ASTN1: variants seen among roughly 807,000 people sequenced by gnomAD.
ASTN1 encodes the protein astrotactin-1.
A neutral mutation model predicts 140.7 loss-of-function variants in ASTN1; 41 were observed. The ratio of observed to expected loss-of-function variants is 0.29; its 90% confidence interval spans 0.23 to 0.38. The LOEUF is 0.38. Among genes scored for constraint, ASTN1 ranks in the 10% least tolerant of loss-of-function variants. The probability of loss-of-function intolerance (pLI) is 1.00; values close to 1 mark genes in which losing one functional copy is unlikely to be tolerated. For missense variants in ASTN1, 1,479 were observed against 1,678.8 expected (o/e 0.88, Z 2.08); for synonymous variants, 640 against 652.2 (o/e 0.98, Z 0.29).
rs370184353 is a variant in ASTN1 at position 177,051,398 on chromosome 1, G to T, written c.471+9680C>A. On this transcript the variant is annotated intron_variant, in intron 2 of 22. Coordinates refer to ENST00000361833, the MANE Select transcript of ASTN1 (RefSeq NM_004319.3). ...ATAAAGTTTATTGAAACACAGCCAC[G>T]TGCATTCAGTTATATACTGTGCATG... 1.7e-4 allele frequency among the ~76,000 whole-genome samples: 26 copies of T among 152,320 alleles called. No individual in the cohort carries two copies. The East Asian group carries it at 4.8e-3, about 28-fold the overall frequency.
intron 1 of ASTN1, among the ~76,000 whole-genome samples, chr1:177,118,481 C>A: frequency 6.6e-6 from 1 of 152,068 alleles, no homozygotes; most frequent in Admixed American, 6.6e-5. Context: ...TGTCAGTATG[C>A]AAATTAGTAT....
At chr1:177,027,989 T>G (rs573970662) in intron 5 of ASTN1, among the ~76,000 whole-genome samples, 2 of 152,234 alleles carry the variant, frequency 1.3e-5, no homozygotes, top group African/African-American at 2.4e-5. Flanking sequence ...GCTGCACTGA[T>G]GGATATATCC....
In ASTN1 at chr1:177,044,519, G is replaced by A. The variant is rs954103558; in HGVS notation, c.472-11670C>T. ...TCGGGCGCAGGCCTGGCGCTCACCAGCCAAAGATGGGCTGTAGCAAAGGGA... is the reference window on the plus strand; with the variant it reads ...TCGGGCGCAGGCCTGGCGCTCACCAACCAAAGATGGGCTGTAGCAAAGGGA... On this transcript the variant is annotated intron_variant, in intron 2 of 22. Transcript: ENST00000361833. Among the ~76,000 whole-genome samples, 32 of 152,336 alleles carry A rather than the reference G, an allele frequency of 2.1e-4. 1 individual carries two copies. Among genetic ancestry groups the A allele is most frequent in the Admixed American group, 1.8e-3 (27 of 15,310 alleles).
chr1:177,085,410 T>C (rs1176138522), intron 1 of ASTN1, among the ~76,000 whole-genome samples: 14 of 152,198 alleles, frequency 9.2e-5, no homozygotes, highest in Admixed American at 9.2e-4. Context: ...CCTTATATTT[T>C]GTCTTCCTGT....
At chr1:177,140,524 T>C (rs1682415952) in intron 1 of ASTN1, among the ~76,000 whole-genome samples, 1 of 152,192 alleles carries the variant, frequency 6.6e-6, no homozygotes, top group Non-Finnish European at 1.5e-5. Context: ...AAAGAAAATT[T>C]TGAAAAAAAG....
rs1667966232 is a variant in ASTN1 at position 176,861,659 on chromosome 1, G to A, written c.*2625C>T. 1.0e-6 allele frequency: 1 copy of A among 985,324 alleles called. No homozygotes were observed. Among genetic ancestry groups the A allele is most frequent in the Non-Finnish European group, 1.2e-6 (1 of 829,972 alleles). The allele number at this position is 985,324 out of a possible 1,614,324, so 61.0% of individuals were successfully genotyped here. A position where few individuals can be genotyped will look rare whatever the true frequency, so the allele number is the denominator to read the frequency against. ...TGAATGTAAGTAGGAGCCAGTCATA[G>A]GAGTTGTGTGCATTGTGTGTGCACA... On this transcript the variant is annotated 3_prime_UTR_variant, in exon 23 of 23. Coordinates refer to ENST00000361833, the MANE Select transcript of ASTN1 (RefSeq NM_004319.3).
chr1:176,882,760 T>G (rs1668859014), intron 20 of ASTN1, 99 bp downstream of exon 20: 1 of 1,492,478 alleles, frequency 6.7e-7, no homozygotes, highest in Non-Finnish European at 9.2e-7. Context: ...CAACATGTTT[T>G]GCTGAGTCTC....
rs115949785 is a variant in ASTN1 at position 177,104,097 on chromosome 1, C to T, written c.284-42832G>A. ...GACTGATGCAGAAAAACAGTACCCT[C>T]GCCCTGGCCTCTGCAATGCCCACCA... On this transcript the variant is annotated intron_variant, in intron 1 of 22. Coordinates refer to ENST00000361833, the MANE Select transcript of ASTN1 (RefSeq NM_004319.3). Among the ~76,000 whole-genome samples the T allele has an allele frequency of 4.1e-3, 631 of 152,140 alleles. 4 individuals carry two copies. Among genetic ancestry groups the T allele is most frequent in the African/African-American group, 0.015 (615 of 41,514 alleles).
At chr1:177,062,217 C>T (rs1001942171) in intron 1 of ASTN1, among the ~76,000 whole-genome samples, 1 of 151,950 alleles carries the variant, frequency 6.6e-6, no homozygotes, top group Non-Finnish European at 1.5e-5. Flanking sequence ...GTTTAGTAAA[C>T]CATTGCTTTA....
At chr1:177,028,235 A>T (rs1194238452) in intron 5 of ASTN1, among the ~76,000 whole-genome samples, 2 of 152,090 alleles carry the variant, frequency 1.3e-5, no homozygotes, top group Non-Finnish European at 2.9e-5. Flanking sequence ...AGCAGGACAC[A>T]CCCTGCTTTG....
At chr1:177,124,326 G>A (rs1046395600) in intron 1 of ASTN1, among the ~76,000 whole-genome samples, 6 of 152,122 alleles carry the variant, frequency 3.9e-5, no homozygotes, top group Non-Finnish European at 5.9e-5. Flanking sequence ...ATGAAACTGA[G>A]GCTGATAGAG....
intron 8 of ASTN1, among the ~76,000 whole-genome samples, chr1:176,988,286 G>A (rs1425669137): frequency 7.2e-6 from 1 of 139,184 alleles, no homozygotes; most frequent in Non-Finnish European, 1.5e-5. Flanking sequence ...AAAACTCCAG[G>A]AAGAGGTAGA....
At chr1:176,966,014 A>G (rs1672866665) in intron 8 of ASTN1, among the ~76,000 whole-genome samples, 1 of 152,220 alleles carries the variant, frequency 6.6e-6, no homozygotes, top group Admixed American at 6.5e-5. Flanking sequence ...TCTTTTCACT[A>G]ACCCAGATCT....
At chr1:176,987,675 CTATCAGGCA>C (rs1248255835) in intron 8 of ASTN1, among the ~76,000 whole-genome samples, 117 of 152,300 alleles carry the variant, frequency 7.7e-4, no homozygotes, top group Non-Finnish European at 1.3e-4. Flanking sequence ...GGTAACTTTC[CTATCAGGCA>C]TATCTTCCAA....
chr1:176,916,241 T>C (rs892624083), intron 16 of ASTN1, among the ~76,000 whole-genome samples: 5 of 152,180 alleles, frequency 3.3e-5, no homozygotes, highest in African/African-American at 1.2e-4. Flanking sequence ...GAGATAAGGA[T>C]GCAGATGAGT....
chr1:176,857,689 A>G (rs188924183), downstream of ASTN1: 243 of 555,534 alleles, frequency 4.4e-4, 1 homozygote, highest in African/African-American at 4.3e-3. Context: ...TCAATAGTTT[A>G]TAAGAGTCAG....
At chr1:177,077,943 T>C (rs1251016490) in intron 1 of ASTN1, among the ~76,000 whole-genome samples, 2 of 152,020 alleles carry the variant, frequency 1.3e-5, no homozygotes, top group Admixed American at 6.5e-5. Context: ...AAATTGGGAA[T>C]ATGGAACAAA....
At chr1:177,117,700 A>G (rs1406457436) in intron 1 of ASTN1, among the ~76,000 whole-genome samples, 1 of 152,178 alleles carries the variant, frequency 6.6e-6, no homozygotes, top group Non-Finnish European at 1.5e-5. Context: ...TTCCCACACC[A>G]TACTACTCCC....
intron 21 of ASTN1, among the ~76,000 whole-genome samples, chr1:176,873,406 G>A (rs574217157): frequency 1.3e-5 from 2 of 152,322 alleles, no homozygotes; most frequent in East Asian, 3.9e-4. Flanking sequence ...AGTGGCTTTA[G>A]TGTCATGATG....
Sources: allele counts gnomAD v4.1 joint callset (sites outside exome capture counted in the v4.1 genomes callset), GRCh38; gene constraint gnomAD v4.1.1; transcripts MANE v1.5; gene names NCBI Gene and HGNC (gene_info 2026-07-23, HGNC 2026-07-21).